SLC35D2: variants seen among roughly 807,000 people sequenced by gnomAD.
SLC35D2 encodes solute carrier family 35 member D2.
In SLC35D2, 43 loss-of-function variants were observed where a neutral mutation model predicts 41.8. That is an observed-to-expected ratio of 1.03 (90% CI 0.81 to 1.33). The LOEUF (loss-of-function observed/expected upper bound fraction) is 1.33, where lower values mean the gene tolerates loss of function less well. Ranked by LOEUF, SLC35D2 falls within the 40% of genes most tolerant of loss-of-function variation. SLC35D2 has a pLI of 0.00. For synonymous variants in SLC35D2, 150 were observed against 163.9 expected, an observed-to-expected ratio of 0.92 and a Z score of 0.65; for missense variants, 380 against 408.4, an observed-to-expected ratio of 0.93 and a Z score of 0.60.
intron 5 of SLC35D2, 36 bp from the exon 6 acceptor site, chr9:96,351,207 C>G: frequency 2.2e-6 from 3 of 1,394,534 alleles, no homozygotes; most frequent in Non-Finnish European, 3.1e-6. Context: ...GGAAAGGGAG[C>G]AGAGAGGAAA....
chr9:96,336,992 A>G lies in SLC35D2; in HGVS notation c.685-208T>C, dbSNP rs1829076777. Among the ~76,000 whole-genome samples, 3 of 152,194 alleles carry G rather than the reference A, an allele frequency of 2.0e-5. No homozygotes were observed. In the South Asian group the frequency reaches 6.2e-4, roughly 31 times the overall value. Reference sequence around the variant, plus strand: ...AGATTCATTTTACAAAATCTAGCTTATTTAAAAAAAGGAAAGCCTTCCTCA... The same window carrying G: ...AGATTCATTTTACAAAATCTAGCTTGTTTAAAAAAAGGAAAGCCTTCCTCA... On this transcript the variant is annotated intron_variant, in intron 8 of 11. Transcript: ENST00000253270.
chr9:96,342,661 T>C (rs1052943432), intron 8 of SLC35D2, among the ~76,000 whole-genome samples: 7 of 152,184 alleles, frequency 4.6e-5, no homozygotes, highest in African/African-American at 1.7e-4. Flanking sequence ...TTGGTGCCAC[T>C]TGGTAGTTTT....
In SLC35D2 at chr9:96,321,306, A is replaced by G. The variant is rs1317663147; in HGVS notation, c.950T>C (p.Leu317Pro). The part of the protein sequence containing the change: ...AGGLRYSFLT[L>P]SSQLKPKPVG... ...AGGTTTAGGTTTTAACTGGCTGCTC[A>G]GTGTTAAAAAGGAATATCTCAAGCC... Residue 317 changes from leucine (L) to proline (P), a missense_variant, in exon 12 of 12, where the codon CTG becomes CCG. Leu to Pro is a moderately conservative substitution (Grantham distance 98). Coordinates refer to ENST00000253270, the MANE Select transcript of SLC35D2 (RefSeq NM_007001.3). 3.7e-6 allele frequency: 6 copies of G among 1,614,040 alleles called. No homozygotes were observed. Among genetic ancestry groups the G allele is most frequent in the Non-Finnish European group, 5.1e-6 (6 of 1,179,926 alleles).
At chr9:96,319,956 A>G (rs1325101063), downstream of SLC35D2, among the ~76,000 whole-genome samples, 1 of 152,208 alleles carries the variant, frequency 6.6e-6, no homozygotes, top group Non-Finnish European at 1.5e-5. Flanking sequence ...GTGACTTGGG[A>G]AAGGTCTCCC....
chr9:96,334,097 C>T (rs1017579499), intron 9 of SLC35D2, among the ~76,000 whole-genome samples: 3 of 152,018 alleles, frequency 2.0e-5, no homozygotes, highest in Non-Finnish European at 4.4e-5. Flanking sequence ...TGCTCTAAGG[C>T]AGCAGTCCCC....
intron 4 of SLC35D2, among the ~76,000 whole-genome samples, chr9:96,357,954 G>A (rs796370665): frequency 2.6e-5 from 4 of 151,732 alleles, no homozygotes; most frequent in African/African-American, 9.7e-5. Context: ...CAGGAGAATC[G>A]CTTGAGCCCA....
At chr9:96,356,246 C>T (rs888351183) in intron 4 of SLC35D2, among the ~76,000 whole-genome samples, 1 of 152,230 alleles carries the variant, frequency 6.6e-6, no homozygotes, top group Non-Finnish European at 1.5e-5. Context: ...CTTGCACAGC[C>T]TGCAGAACTG....
intron 9 of SLC35D2, among the ~76,000 whole-genome samples, chr9:96,327,136 A>C (rs1828574069): frequency 6.6e-6 from 1 of 152,214 alleles, no homozygotes; most frequent in African/African-American, 2.4e-5. Context: ...GCACAGCCTT[A>C]AACCAAGGAC....
At chr9:96,359,120 C>T (rs867670711) in intron 4 of SLC35D2, among the ~76,000 whole-genome samples, 7 of 151,284 alleles carry the variant, frequency 4.6e-5, no homozygotes, top group African/African-American at 9.7e-5. Context: ...CTGGCTAACA[C>T]GGTGAAACCC....
At position 96,364,502 on chromosome 9, in the gene SLC35D2, TG is replaced by T. The variant is rs1182621921; in HGVS notation, c.240del (p.Ile81PhefsTer12). 1.9e-6 allele frequency: 3 copies of T among 1,606,554 alleles called. No homozygotes were observed. The highest frequency in any genetic ancestry group is 2.6e-6 in the Non-Finnish European group (3 of 1,173,884). On this transcript the variant is annotated frameshift_variant, in exon 3 of 12. Coordinates refer to ENST00000253270, the MANE Select transcript of SLC35D2 (RefSeq NM_007001.3). LOFTEE classifies it high-confidence loss of function. ...MILYVSKLNK[I>X]IHFPDFDKKI... Reference sequence around the variant, plus strand: ...TTCTTATCAAAATCAGGGAAGTGAATGATTTTGTTTAGCTTGGACACATATA... The same window carrying T: ...TTCTTATCAAAATCAGGGAAGTGAATATTTTGTTTAGCTTGGACACATATA...
Position 96,329,862 on chromosome 9 carries a change from C to T in SLC35D2, c.753-5693G>A, listed in dbSNP as rs149282593. 6.6e-5 allele frequency among the ~76,000 whole-genome samples: 10 copies of T among 152,310 alleles called. No individual in the cohort carries two copies. The East Asian group carries it at 1.2e-3, about 18-fold the overall frequency. On this transcript the variant is annotated intron_variant, in intron 9 of 11. Transcript: ENST00000253270. The stretch of plus-strand genomic sequence containing the variant: ...TATTAGTCAGCGTTCCCCAGAGGAA[C>T]GGAACCAATAGAACACACAAGTATA...
At chr9:96,377,874 C>T (rs1831023053) in intron 1 of SLC35D2, among the ~76,000 whole-genome samples, 1 of 152,224 alleles carries the variant, frequency 6.6e-6, no homozygotes, top group Non-Finnish European at 1.5e-5. Context: ...CTCAACAGAG[C>T]ATGAGCAGCT....
chr9:96,333,192 T>A (rs1338121655), intron 9 of SLC35D2, among the ~76,000 whole-genome samples: 1 of 151,082 alleles, frequency 6.6e-6, no homozygotes, highest in Non-Finnish European at 1.5e-5. Context: ...CCACTGCGCC[T>A]GGCCTGAATT....
chr9:96,373,544 G>A (rs1472201705), intron 1 of SLC35D2, among the ~76,000 whole-genome samples: 3 of 152,006 alleles, frequency 2.0e-5, no homozygotes, highest in Middle Eastern at 3.4e-3. Context: ...AAAATTAGCC[G>A]GGTGTGGTGG....
At position 96,336,733 on chromosome 9, in the gene SLC35D2, G is replaced by A; in HGVS notation, c.736C>T (p.Leu246Phe). The change falls in exon 9 of 12, where the codon CTT (leucine) becomes TTT (phenylalanine). Residue 246 changes from leucine (L) to phenylalanine (F), a missense_variant. Coordinates refer to ENST00000253270, the MANE Select transcript of SLC35D2 (RefSeq NM_007001.3). The stretch of plus-strand genomic sequence containing the variant: ...GTTTCTTACCCCAAAAAACAGGAAA[G>A]AAGAAACTGTAGGATAAACACAACA... ...KNVVFILQFL[L>F]SCFLGFLLMY... is the part of the protein sequence containing the mutation. 1 of 1,585,922 alleles carries A rather than the reference G, an allele frequency of 6.3e-7. No individual in the cohort carries two copies. Among genetic ancestry groups the A allele is most frequent in the Non-Finnish European group, 8.6e-7 (1 of 1,159,924 alleles).
chr9:96,315,434 C>CT (rs35644020), intron 11 of SLC35D2, among the ~76,000 whole-genome samples: 66,163 of 131,894 alleles, frequency 0.5, 16,895 homozygotes, highest in Admixed American at 0.53. Flanking sequence ...CCTTCACAGA[C>CT]TTTTTTTTTT....
chr9:96,366,447 G>A (rs959744652), intron 2 of SLC35D2, among the ~76,000 whole-genome samples: 1 of 151,184 alleles, frequency 6.6e-6, no homozygotes, highest in Non-Finnish European at 1.5e-5. Flanking sequence ...TTACCTTTGA[G>A]TATAAGCCAC....
intron 4 of SLC35D2, among the ~76,000 whole-genome samples, chr9:96,353,086 T>C (rs1449495328): frequency 6.7e-6 from 1 of 150,210 alleles, no homozygotes; most frequent in African/African-American, 2.4e-5. Context: ...AAGGTAATAA[T>C]CAAAAGAAAA....
At chr9:96,375,592 G>C (rs1438124050) in intron 1 of SLC35D2, among the ~76,000 whole-genome samples, 1 of 151,582 alleles carries the variant, frequency 6.6e-6, no homozygotes, top group Non-Finnish European at 1.5e-5. Context: ...AAAAAAAAAA[G>C]GTATTGATTC....
Sources: gnomAD v4.1 joint callset for allele counts (sites outside exome capture counted in the v4.1 genomes callset) on GRCh38, gnomAD v4.1.1 for gene constraint, MANE v1.5 for transcripts, NCBI Gene and HGNC (gene_info 2026-07-23, HGNC 2026-07-21) for gene names.